Variants in CHAT observed in about 807,000 individuals in gnomAD.
The protein encoded by CHAT is choline O-acetyltransferase.
Under a neutral mutation model 76.9 loss-of-function variants are expected in CHAT, and 61 were observed. The ratio of observed to expected loss-of-function variants is 0.79; its 90% confidence interval spans 0.65 to 0.98. CHAT has a LOEUF of 0.98. Among genes scored for constraint, CHAT ranks in the 50% least tolerant of loss-of-function variants. CHAT has a pLI of 0.00. For missense variants in CHAT, 946 were observed against 986.9 expected (o/e 0.96, Z 0.56); for synonymous variants, 407 against 397.4 (o/e 1.02, Z -0.29).
chr10:49,631,590 A>T (rs1259432849), intron 7 of CHAT, among the ~76,000 whole-genome samples: 1 of 152,250 alleles, frequency 6.6e-6, no homozygotes, highest in Non-Finnish European at 1.5e-5. Context: ...AGAGCATAGC[A>T]GGGCCGAGGG....
At chr10:49,636,275 AT>A (rs1839292129) in intron 7 of CHAT, among the ~76,000 whole-genome samples, 1 of 152,066 alleles carries the variant, frequency 6.6e-6, no homozygotes, top group Non-Finnish European at 1.5e-5. Flanking sequence ...TAATCATGTT[AT>A]TTTTTTCTTT....
At position 49,655,098 on chromosome 10, in the gene CHAT, C is replaced by T; in HGVS notation, c.1638C>T (p.Leu546=). 2 of 1,614,212 alleles carry T rather than the reference C, an allele frequency of 1.2e-6. No individual in the cohort carries two copies. The highest frequency in any genetic ancestry group is 2.2e-5 in the East Asian group (1 of 44,890). ...ATTCATCCTTCATCCCACGCAGGCT[C>T]CATCGAAGACTGGTGCCCACCTACG... ...QVALQLAFYR[L]HRRLVPTYES... Residue 546 remains leucine (L), a synonymous_variant, in exon 12 of 15, where the codon CTC becomes CTT. Transcript: ENST00000337653.
At chr10:49,622,176 T>C (rs1204834265) in intron 5 of CHAT, 26 bp downstream of exon 5, 2 of 1,611,544 alleles carry the variant, frequency 1.2e-6, no homozygotes, top group East Asian at 2.2e-5. Flanking sequence ...TGGTGCCCTG[T>C]TCCAGCACAG....
chr10:49,649,762 C>T (rs1839810117), intron 10 of CHAT, 126 bp downstream of exon 10: 2 of 971,062 alleles, frequency 2.1e-6, no homozygotes, highest in East Asian at 5.0e-5. Flanking sequence ...TGGGCTCCAC[C>T]TCGTCCCCAT....
At chr10:49,611,098 G>T (rs1336081533), upstream of CHAT, 1 of 1,614,004 alleles carries the variant, frequency 6.2e-7, no homozygotes, top group African/African-American at 1.3e-5. Context: ...TACGGAGAGC[G>T]AAGACGTGAA....
chr10:49,632,834 G>A (rs1237656202), intron 7 of CHAT, among the ~76,000 whole-genome samples: 1 of 152,208 alleles, frequency 6.6e-6, no homozygotes, highest in Non-Finnish European at 1.5e-5. Flanking sequence ...AGGCCCACAG[G>A]GTTCCAGGGA....
At chr10:49,644,332 T>G (rs1185261263) in intron 7 of CHAT, among the ~76,000 whole-genome samples, 1 of 152,156 alleles carries the variant, frequency 6.6e-6, no homozygotes, top group Non-Finnish European at 1.5e-5. Flanking sequence ...GGTGCCATGT[T>G]TAGAAATTTG....
In CHAT at chr10:49,666,778, C is replaced by A. The variant is rs1840348868; in HGVS notation, c.*1732C>A. 6.6e-6 allele frequency among the ~76,000 whole-genome samples: 1 copy of A among 152,230 alleles called. No homozygotes were observed. The highest frequency in any genetic ancestry group is 1.5e-5 in the Non-Finnish European group (1 of 68,042). ...TTAAGTCATTGGCCTGAGATTTATG[C>A]TCCTTCCCTCCCACGGCCACCTTCC... On this transcript the variant is annotated 3_prime_UTR_variant, in exon 15 of 15. Transcript: ENST00000337653.
chr10:49,648,758 C>G, intron 9 of CHAT, 151 bp downstream of exon 9: 1 of 584,888 alleles, frequency 1.7e-6, no homozygotes, highest in Non-Finnish European at 3.1e-6. Context: ...CACACACACA[C>G]GATGAATTTG....
intron 11 of CHAT, among the ~76,000 whole-genome samples, chr10:49,652,442 G>A (rs916605228): frequency 6.6e-6 from 1 of 152,054 alleles, no homozygotes; most frequent in Non-Finnish European, 1.5e-5. Flanking sequence ...AAAGATTTTG[G>A]ACTCATCCTT....
At chr10:49,659,245 T>C (rs1262415080) in intron 13 of CHAT, among the ~76,000 whole-genome samples, 2 of 152,182 alleles carry the variant, frequency 1.3e-5, no homozygotes, top group African/African-American at 4.8e-5. Flanking sequence ...TAAACTGTCA[T>C]CAAGTTTGAA....
At chr10:49,652,105 C>T in intron 11 of CHAT, 99 bp downstream of exon 11, 1 of 1,524,684 alleles carries the variant, frequency 6.6e-7, no homozygotes, top group Non-Finnish European at 9.1e-7. Flanking sequence ...GGACAGCCTT[C>T]TGTGGGCCTG....
At chr10:49,653,521 G>A (rs943466542) in intron 11 of CHAT, among the ~76,000 whole-genome samples, 5 of 152,210 alleles carry the variant, frequency 3.3e-5, no homozygotes, top group East Asian at 3.9e-4. Flanking sequence ...GGCAGCACCC[G>A]TGTAGACACA....
At chr10:49,615,520 C>T (rs1045351997) in intron 1 of CHAT, among the ~76,000 whole-genome samples, 6 of 152,206 alleles carry the variant, frequency 3.9e-5, no homozygotes, top group East Asian at 3.9e-4. Context: ...CATACATGGG[C>T]GGTGCTTGCC....
chr10:49,642,621 G>A (rs926233830), intron 7 of CHAT, among the ~76,000 whole-genome samples: 3 of 152,170 alleles, frequency 2.0e-5, no homozygotes, highest in Non-Finnish European at 4.4e-5. Context: ...CTCCTGCCTC[G>A]AGCCTGCATC....
upstream of CHAT, chr10:49,611,115 G>T (rs1425771056): frequency 6.2e-7 from 1 of 1,614,150 alleles, no homozygotes; most frequent in Admixed American, 1.7e-5. Context: ...TGAAGATCGG[G>T]GTGCTGTTTG....
At chr10:49,612,310 G>T (rs1477671809), upstream of CHAT, 3 of 1,604,530 alleles carry the variant, frequency 1.9e-6, no homozygotes, top group South Asian at 2.2e-5. Flanking sequence ...GTGCGAGGAC[G>T]ACTACAACTA....
chr10:49,623,906 T>C (rs1241753493), intron 5 of CHAT, among the ~76,000 whole-genome samples: 1 of 152,210 alleles, frequency 6.6e-6, no homozygotes, highest in Admixed American at 6.5e-5. Flanking sequence ...GACATCACGT[T>C]CCTTCTCTGC....
chr10:49,663,838 G>A (rs1178295863), intron 14 of CHAT, among the ~76,000 whole-genome samples: 1 of 152,194 alleles, frequency 6.6e-6, no homozygotes, highest in Non-Finnish European at 1.5e-5. Context: ...AATTTCTCAG[G>A]AAATCATCCA....
Sources: allele counts gnomAD v4.1 joint callset (sites outside exome capture counted in the v4.1 genomes callset), GRCh38; gene constraint gnomAD v4.1.1; transcripts MANE v1.5; gene names NCBI Gene and HGNC (gene_info 2026-07-23, HGNC 2026-07-21).